The following TRPC1 variants were observed in gnomAD, a reference collection of about 807,000 sequenced individuals.
TRPC1 encodes short transient receptor potential channel 1.
A neutral mutation model predicts 88.2 loss-of-function variants in TRPC1; 42 were observed. The observed-to-expected ratio is 0.48, with a 90% CI of 0.37 to 0.62. The LOEUF (loss-of-function observed/expected upper bound fraction) is 0.62. Ranked by LOEUF, TRPC1 falls within the 20% of genes least tolerant of loss-of-function variation. TRPC1 has a pLI of 0.00. For missense variants in TRPC1, 699 were observed against 957.3 expected (o/e 0.73, Z 3.56); for synonymous variants, 288 against 331.8 (o/e 0.87, Z 1.43).
rs202112420 is a variant in TRPC1, at chr3:142,734,552, CAA to C, written c.173-1826_173-1825del. ...TAACTTAATGTCTAATGGAAGTTGA[CAA>C]GAGAAAAAGCAATATGGAGATGAAG... On this transcript the variant is annotated intron_variant, in intron 1 of 12. Coordinates refer to ENST00000476941, the MANE Select transcript of TRPC1 (RefSeq NM_001251845.2). 8.2e-4 allele frequency among the ~76,000 whole-genome samples: 124 copies of C among 152,106 alleles called. 2 individuals are homozygous for C. The East Asian group carries it at 0.023, about 28-fold the overall frequency.
chr3:142,788,389 G>GT (rs1460622874), intron 7 of TRPC1, among the ~76,000 whole-genome samples: 1 of 152,112 alleles, frequency 6.6e-6, no homozygotes. Context: ...GAAATACATA[G>GT]TATATGAGAG....
chr3:142,799,132 G>A (rs1334815779), intron 9 of TRPC1, among the ~76,000 whole-genome samples: 1 of 152,062 alleles, frequency 6.6e-6, no homozygotes, highest in Non-Finnish European at 1.5e-5. Context: ...CTGTTTTAAA[G>A]TTATGCTAAT....
At chr3:142,764,950 T>A (rs1935331251) in intron 4 of TRPC1, among the ~76,000 whole-genome samples, 1 of 152,128 alleles carries the variant, frequency 6.6e-6, no homozygotes, top group South Asian at 2.1e-4. Flanking sequence ...TCCTTTTTGT[T>A]CTTTTGTCTT....
rs78715340 is a variant in TRPC1 at position 142,724,608 on chromosome 3, T to A, written c.49T>A (p.Ser17Thr). The stretch of plus-strand genomic sequence containing the variant: ...CACGGACCTCTCGGGCGCCTCCTCC[T>A]CCTCCCTGCCTTCCTCTCCATCCTC... ...PSTDLSGASS[S>T]SLPSSPSSSS... The change falls in exon 1 of 13, where the codon TCC becomes ACC. Residue 17 changes from serine (S) to threonine (T), a missense_variant. Transcript: ENST00000476941. The surrounding 1 kb of genome is among the most constrained non-coding windows in gnomAD (Gnocchi z 5.6). 6.2e-3 allele frequency: 9,921 copies of A among 1,607,256 alleles called. 558 individuals are homozygous for A. The African/African-American group carries it at 0.12, about 19-fold the overall frequency.
rs1045824062 is a variant in TRPC1 at position 142,807,638 on chromosome 3, T to A, written c.*1403T>A. Reference sequence around the variant, plus strand: ...TTTTTAATTTCCAAATTTTAAGTGTTCCCTCTTTGGGGCAAATTCTTATAA... The same window carrying A: ...TTTTTAATTTCCAAATTTTAAGTGTACCCTCTTTGGGGCAAATTCTTATAA... On this transcript the variant is annotated 3_prime_UTR_variant, in exon 13 of 13. Transcript: ENST00000476941. The A allele has an allele frequency of 1.3e-5, 2 of 152,234 alleles. No individual in the cohort carries two copies. Among genetic ancestry groups the A allele is most frequent in the Non-Finnish European group, 2.9e-5 (2 of 68,044 alleles). 9.4% of individuals were successfully genotyped at this position (152,234 alleles called of 1,614,324 possible). A position where few individuals can be genotyped will look rare whatever the true frequency, so the allele number is the denominator to read the frequency against.
chr3:142,783,147 T>G lies in TRPC1; in HGVS notation c.961-1557T>G, dbSNP rs540610788. Among the ~76,000 whole-genome samples, 6 of 152,330 alleles carry G rather than the reference T, an allele frequency of 3.9e-5. No homozygotes were observed. The East Asian group carries it at 1.2e-3, about 29-fold the overall frequency. On this transcript the variant is annotated intron_variant, in intron 6 of 12. Transcript: ENST00000476941. ...TTAGAACATTTCTAGTTAAACTTTT[T>G]ATTCCAAATACATAGTTAACATTAC... is the stretch of plus-strand genomic sequence containing the variant.
chr3:142,800,514 C>T (rs1027754093), intron 9 of TRPC1, among the ~76,000 whole-genome samples: 6 of 151,962 alleles, frequency 3.9e-5, no homozygotes, highest in East Asian at 3.8e-4. Flanking sequence ...CTATGCTGGC[C>T]GACTTGGGCC....
At chr3:142,793,933 C>A (rs913645389) in intron 9 of TRPC1, 26 of 978,300 alleles carry the variant, frequency 2.7e-5, no homozygotes, top group Non-Finnish European at 1.9e-5. Context: ...GCTCTCTTAA[C>A]CAAGTCCTGT....
At chr3:142,772,716 G>A (rs1027755070) in intron 4 of TRPC1, among the ~76,000 whole-genome samples, 2 of 152,170 alleles carry the variant, frequency 1.3e-5, no homozygotes, top group African/African-American at 2.4e-5. Flanking sequence ...GAACCCAGGA[G>A]GCGGAGGCTG....
intron 9 of TRPC1, among the ~76,000 whole-genome samples, chr3:142,798,449 C>T (rs1458315836): frequency 6.6e-6 from 1 of 152,136 alleles, no homozygotes; most frequent in Non-Finnish European, 1.5e-5. Flanking sequence ...ACTTTGGAAG[C>T]ATGACTGAGG....
intron 5 of TRPC1, among the ~76,000 whole-genome samples, chr3:142,778,171 A>C (rs193170061): frequency 2.0e-4 from 31 of 152,338 alleles, no homozygotes; most frequent in Admixed American, 1.7e-3. Context: ...TTTCAAAAGC[A>C]TATGGAATGC....
Position 142,727,030 on chromosome 3 carries a change from C to CA in TRPC1, c.172+2300dup, listed in dbSNP as rs1933701068. Among the ~76,000 whole-genome samples, 8 of 152,314 alleles carry CA rather than the reference C, an allele frequency of 5.3e-5. 1 individual carries two copies. In the South Asian group the frequency reaches 1.7e-3, roughly 32 times the overall value. ...AGAACTGGCATTTATCTTGAGCCTG[C>CA]ACTCCTAACCACTACGTTATATAGA... On this transcript the variant is annotated intron_variant, in intron 1 of 12. Coordinates refer to ENST00000476941, the MANE Select transcript of TRPC1 (RefSeq NM_001251845.2).
At chr3:142,736,346 G>T (rs1185890478) in intron 1 of TRPC1, 33 bp from the exon 2 acceptor site, 2 of 1,495,538 alleles carry the variant, frequency 1.3e-6, no homozygotes, top group Non-Finnish European at 1.8e-6. Context: ...ATATGTCACG[G>T]ATATTAAATT....
At position 142,779,906 on chromosome 3, in the gene TRPC1, G is replaced by T. The variant is rs542033897; in HGVS notation, c.765-928G>T. ...TTGGAGACCCAGGCTGGAGGGCAGT[G>T]GCACCATTTTGGCTCACTGCAACCT... On this transcript the variant is annotated intron_variant, in intron 5 of 12. Transcript: ENST00000476941. Among the ~76,000 whole-genome samples, 161 of 145,842 alleles carry T rather than the reference G, an allele frequency of 1.1e-3. 2 individuals carry two copies. Among genetic ancestry groups the T allele is most frequent in the African/African-American group, 4.0e-3 (157 of 39,456 alleles).
intron 5 of TRPC1, among the ~76,000 whole-genome samples, chr3:142,780,477 A>C (rs1935925643): frequency 6.6e-6 from 1 of 152,230 alleles, no homozygotes; most frequent in African/African-American, 2.4e-5. Context: ...GGTGAGTAAT[A>C]TAAAAGGAAG....
chr3:142,729,940 T>C (rs1485142786), intron 1 of TRPC1, among the ~76,000 whole-genome samples: 1 of 152,144 alleles, frequency 6.6e-6, no homozygotes, highest in East Asian at 1.9e-4. Context: ...ATGTATAAAG[T>C]GGGGGTGACT....
chr3:142,774,573 CA>C (rs1227117649), intron 4 of TRPC1, among the ~76,000 whole-genome samples: 1 of 152,174 alleles, frequency 6.6e-6, no homozygotes, highest in African/African-American at 2.4e-5. Flanking sequence ...GAACTGGGGG[CA>C]GGGGTGATGG....
At chr3:142,731,489 A>G (rs1297644111) in intron 1 of TRPC1, among the ~76,000 whole-genome samples, 1 of 141,044 alleles carries the variant, frequency 7.1e-6, no homozygotes, top group Non-Finnish European at 1.5e-5. Flanking sequence ...CGTTCACGCC[A>G]TTCTCCTGCC....
chr3:142,777,157 A>T (rs1010370919), intron 4 of TRPC1, among the ~76,000 whole-genome samples: 9 of 152,206 alleles, frequency 5.9e-5, no homozygotes, highest in African/African-American at 2.2e-4. Flanking sequence ...TAAAAATTTT[A>T]AAAATTAGCC....
Sources: gnomAD v4.1 joint callset for allele counts (sites outside exome capture counted in the v4.1 genomes callset) on GRCh38, gnomAD v4.1.1 for gene constraint, Gnocchi (gnomAD v3.1) non-coding constraint, MANE v1.5 for transcripts, NCBI Gene and HGNC (gene_info 2026-07-23, HGNC 2026-07-21) for gene names.